GNPTAB: variants seen among roughly 807,000 people sequenced by gnomAD.
GNPTAB encodes N-acetylglucosamine-1-phosphotransferase subunits alpha/beta.
In GNPTAB, 92 loss-of-function variants were observed where a neutral mutation model predicts 136.6. The ratio of observed to expected loss-of-function variants is 0.67; its 90% CI spans 0.57 to 0.80. GNPTAB has a LOEUF of 0.80. Among genes scored for constraint, GNPTAB ranks in the 30% least tolerant of loss-of-function variants. GNPTAB has a pLI of 0.00. For missense variants in GNPTAB, 1,343 were observed against 1,501.8 expected (o/e 0.89, Z 1.75); for synonymous variants, 512 against 535.1 (o/e 0.96, Z 0.60).
intron 2 of GNPTAB, among the ~76,000 whole-genome samples, chr12:101,795,166 T>C (rs773573852): frequency 1.3e-5 from 2 of 152,228 alleles, no homozygotes; most frequent in Middle Eastern, 6.3e-3. Context: ...ACCAGCAACT[T>C]TGGTATTACC....
intron 2 of GNPTAB, 46 bp from the exon 3 acceptor site, chr12:101,790,103 T>A (rs763889988): frequency 1.9e-6 from 3 of 1,613,312 alleles, no homozygotes; most frequent in Non-Finnish European, 1.7e-6. Context: ...ATTTTTCCAA[T>A]ATATTTGGTA....
At chr12:101,828,162 C>G (rs906536532) in intron 1 of GNPTAB, among the ~76,000 whole-genome samples, 3 of 152,116 alleles carry the variant, frequency 2.0e-5, no homozygotes, top group African/African-American at 7.2e-5. Flanking sequence ...GCAGCAGTAG[C>G]CATGACCATT....
At chr12:101,777,592 A>T (rs1953278489) in intron 7 of GNPTAB, among the ~76,000 whole-genome samples, 1 of 152,172 alleles carries the variant, frequency 6.6e-6, no homozygotes, top group South Asian at 2.1e-4. Flanking sequence ...TGCTTCTATT[A>T]TGCAAAGCCT....
At chr12:101,758,725 C>G (rs1366234787) in intron 16 of GNPTAB, among the ~76,000 whole-genome samples, 2 of 152,196 alleles carry the variant, frequency 1.3e-5, no homozygotes, top group Admixed American at 1.3e-4. Context: ...GCTATGCTGA[C>G]CTCTTTCACC....
Position 101,770,401 on chromosome 12 carries a change from T to C in GNPTAB, c.1113+5A>G. On this transcript the variant is annotated splice_donor_5th_base_variant and intron_variant, in intron 9 of 20. Coordinates refer to ENST00000299314, the MANE Select transcript of GNPTAB (RefSeq NM_024312.5). ...CAGTCTTGTAATTTTTAGAAAGTCCTGTACCTGGTGTGTTACTATTGTCAC... is the reference window on the plus strand; with the variant it reads ...CAGTCTTGTAATTTTTAGAAAGTCCCGTACCTGGTGTGTTACTATTGTCAC... The C allele has an allele frequency of 6.2e-7, 1 of 1,601,744 alleles. No homozygotes were observed. The highest frequency in any genetic ancestry group is 8.6e-7 in the Non-Finnish European group (1 of 1,168,680).
At chr12:101,816,735 A>G (rs983177430) in intron 1 of GNPTAB, among the ~76,000 whole-genome samples, 2 of 152,234 alleles carry the variant, frequency 1.3e-5, no homozygotes, top group African/African-American at 2.4e-5. Context: ...ATGAAGAGCT[A>G]TCTACACTCC....
chr12:101,797,846 C>T (rs964018368), intron 1 of GNPTAB, among the ~76,000 whole-genome samples: 2 of 152,176 alleles, frequency 1.3e-5, no homozygotes, highest in African/African-American at 2.4e-5. Context: ...GAAGTGTCCC[C>T]CCACCTTGCA....
At chr12:101,756,968 T>G (rs1952909762) in intron 18 of GNPTAB, 1 of 452,348 alleles carries the variant, frequency 2.2e-6, no homozygotes, top group Non-Finnish European at 3.9e-6. Context: ...GATCTGTCCC[T>G]GGGTCTCTCT....
Position 101,765,190 on chromosome 12 carries a change from A to G in GNPTAB, c.1727T>C (p.Val576Ala), listed in dbSNP as rs148163733. 12 of 1,613,870 alleles carry G rather than the reference A, an allele frequency of 7.4e-6. No individual in the cohort carries two copies. The African/African-American group carries it at 1.3e-4, about 18-fold the overall frequency. ...FSFAEVAKRG[V>A]EGAYSDNPII... The stretch of plus-strand genomic sequence containing the variant: ...TGGATTGTCACTATAGGCACCTTCA[A>G]CTCCTCTTTTGGCTACTTCTGCAAA... The change falls in exon 13 of 21, where the codon GTT becomes GCT. Residue 576 changes from valine to alanine, a missense_variant. Physicochemically the swap from Val to Ala is moderately conservative, Grantham distance 64. Coordinates refer to ENST00000299314, the MANE Select transcript of GNPTAB (RefSeq NM_024312.5).
chr12:101,767,823 G>A, intron 11 of GNPTAB: 1 of 652,916 alleles, frequency 1.5e-6, no homozygotes. Flanking sequence ...TTACTATGTT[G>A]CCCAAGCTGG....
At chr12:101,813,177 G>A (rs558446834) in intron 1 of GNPTAB, among the ~76,000 whole-genome samples, 82 of 152,186 alleles carry the variant, frequency 5.4e-4, no homozygotes, top group African/African-American at 1.9e-3. Flanking sequence ...GCAATCCGAA[G>A]GGAAACTAGA....
At chr12:101,802,479 A>G (rs954253716) in intron 1 of GNPTAB, among the ~76,000 whole-genome samples, 1 of 152,134 alleles carries the variant, frequency 6.6e-6, no homozygotes, top group African/African-American at 2.4e-5. Flanking sequence ...GTCAGGCACA[A>G]CACTGGATGG....
chr12:101,771,434 G>C (rs1594220302), intron 7 of GNPTAB, among the ~76,000 whole-genome samples: 2 of 152,200 alleles, frequency 1.3e-5, no homozygotes, highest in East Asian at 3.9e-4. Flanking sequence ...AGTAGAGACA[G>C]GGTTTCACCA....
intron 4 of GNPTAB, 109 bp from the exon 5 acceptor site, chr12:101,786,326 A>C: frequency 1.2e-6 from 1 of 837,738 alleles, no homozygotes; most frequent in Non-Finnish European, 2.0e-6. Context: ...CCCATAAAAA[A>C]TGATAATATT....
chr12:101,761,806 G>A (rs1566072046), intron 13 of GNPTAB, 43 bp from the exon 14 acceptor site: 6 of 1,352,422 alleles, frequency 4.4e-6, no homozygotes, highest in Admixed American at 1.7e-5. Context: ...TATGTTTAGT[G>A]CACAAGTGTA....
chr12:101,791,718 T>C (rs1869001235), intron 2 of GNPTAB, among the ~76,000 whole-genome samples: 1 of 152,208 alleles, frequency 6.6e-6, no homozygotes, highest in Non-Finnish European at 1.5e-5. Flanking sequence ...AGGCACAGCC[T>C]AGACTTTCAG....
intron 1 of GNPTAB, among the ~76,000 whole-genome samples, chr12:101,805,280 T>C (rs1018888412): frequency 1.1e-4 from 17 of 152,202 alleles, no homozygotes; most frequent in African/African-American, 3.9e-4. Context: ...CACTAACAAG[T>C]GAATTTTATT....
chr12:101,780,358 T>C (rs893804252), intron 6 of GNPTAB, 72 bp from the exon 7 acceptor site: 4 of 1,499,784 alleles, frequency 2.7e-6, no homozygotes, highest in Non-Finnish European at 3.7e-6. Flanking sequence ...CTGAGAAAAC[T>C]GGTAAAGATC....
In GNPTAB at chr12:101,745,708, G is replaced by A. The variant is rs1192157036; in HGVS notation, c.*1456C>T. 2 of 152,126 alleles carry A rather than the reference G, an allele frequency of 1.3e-5. No homozygotes were observed. Among genetic ancestry groups the A allele is most frequent in the Non-Finnish European group, 2.9e-5 (2 of 68,036 alleles). 9.4% of individuals were successfully genotyped at this position (152,126 alleles called of 1,614,324 possible). A position where few individuals can be genotyped will look rare whatever the true frequency, so the allele number is the denominator to read the frequency against. On this transcript the variant is annotated 3_prime_UTR_variant, in exon 21 of 21. Transcript: ENST00000299314. ...TCCATTGTATTATGACATAAAATATGGCTAGACGCCAAGGTTTAACCATAC... is the reference window on the plus strand; with the variant it reads ...TCCATTGTATTATGACATAAAATATAGCTAGACGCCAAGGTTTAACCATAC...
Sources: allele counts gnomAD v4.1 joint callset (sites outside exome capture counted in the v4.1 genomes callset), GRCh38; gene constraint gnomAD v4.1.1; transcripts MANE v1.5; gene names NCBI Gene and HGNC (gene_info 2026-07-23, HGNC 2026-07-21).